NTM: variants seen among roughly 807,000 people sequenced by gnomAD.
The protein encoded by NTM is neurotrimin.
In NTM, 13 loss-of-function variants were observed where a neutral mutation model predicts 42.1. The ratio of observed to expected loss-of-function variants is 0.31; its 90% confidence interval spans 0.20 to 0.49. The LOEUF (loss-of-function observed/expected upper bound fraction) is 0.49. NTM is among the 20% of genes least tolerant of loss of function. The pLI, the probability that NTM is intolerant of heterozygous loss-of-function variation, is 0.99. For missense variants in NTM, 373 were observed against 452.8 expected (o/e 0.82, Z 1.60); for synonymous variants, 187 against 179.2 (o/e 1.04, Z -0.35).
chr11:132,258,287 A>G (rs575965405), intron 4 of NTM, among the ~76,000 whole-genome samples: 2 of 152,166 alleles, frequency 1.3e-5, no homozygotes, highest in Non-Finnish European at 2.9e-5. Flanking sequence ...GCTTCTGTCT[A>G]TCCATCAGTT....
chr11:131,513,266 C>T (rs947115989), intron 1 of NTM, among the ~76,000 whole-genome samples: 1 of 152,184 alleles, frequency 6.6e-6, no homozygotes, highest in Non-Finnish European at 1.5e-5. Flanking sequence ...ATTGCTGTTG[C>T]CAGGAAGCCT....
intron 3 of NTM, among the ~76,000 whole-genome samples, chr11:132,168,044 G>A (rs2075550822): frequency 2.0e-5 from 3 of 152,220 alleles, no homozygotes; most frequent in Admixed American, 6.5e-5. Flanking sequence ...ATCCACATAG[G>A]AATCAGAGGA....
rs976993837 is a variant in NTM at position 132,307,628 on chromosome 11, G to A, written c.527-61G>A. The stretch of plus-strand genomic sequence containing the variant: ...AACCATTTTATACTTTGTTTTCTAA[G>A]TGAACATGTTTGGTCTTTTTTTTCC... On this transcript the variant is annotated intron_variant, in intron 4 of 8. Coordinates refer to ENST00000683400, the MANE Select transcript of NTM (RefSeq NM_001352005.2). 8 of 1,601,956 alleles carry A rather than the reference G, an allele frequency of 5.0e-6. No homozygotes were observed. In the Admixed American group the frequency reaches 1.4e-4, roughly 27 times the overall value.
At chr11:132,129,033 C>T (rs551924271) in intron 2 of NTM, among the ~76,000 whole-genome samples, 193 of 150,414 alleles carry the variant, frequency 1.3e-3, no homozygotes, top group Non-Finnish European at 2.0e-3. Context: ...GGGTTGGTGT[C>T]ACAAGTCCCA....
chr11:131,672,804 C>A (rs959571067), intron 1 of NTM, among the ~76,000 whole-genome samples: 1 of 150,382 alleles, frequency 6.6e-6, no homozygotes, highest in Non-Finnish European at 1.5e-5. Flanking sequence ...AAAGGCTTTG[C>A]GATAAGTTCT....
At chr11:131,606,150 T>G (rs916444851) in intron 1 of NTM, among the ~76,000 whole-genome samples, 1 of 152,078 alleles carries the variant, frequency 6.6e-6, no homozygotes, top group Admixed American at 6.6e-5. Flanking sequence ...CTAAAGTGAT[T>G]TGCCTACCTC....
intron 2 of NTM, among the ~76,000 whole-genome samples, chr11:131,980,479 T>G (rs1270073820): frequency 6.6e-6 from 1 of 152,214 alleles, no homozygotes. Context: ...ATCTCTTAAA[T>G]TCCCCAAATT....
chr11:131,437,432 G>C (rs889614476), intron 1 of NTM, among the ~76,000 whole-genome samples: 9 of 152,134 alleles, frequency 5.9e-5, no homozygotes, highest in African/African-American at 2.2e-4. Flanking sequence ...TCTCTTAGTA[G>C]GTCTCTAAGG....
At chr11:132,018,618 T>C (rs903765033) in intron 2 of NTM, among the ~76,000 whole-genome samples, 1 of 152,016 alleles carries the variant, frequency 6.6e-6, no homozygotes, top group African/African-American at 2.4e-5. Context: ...TATTGTTGGA[T>C]TCAGCTTACT....
intron 1 of NTM, among the ~76,000 whole-genome samples, chr11:131,734,381 T>G (rs2080137674): frequency 6.6e-6 from 1 of 152,208 alleles, no homozygotes; most frequent in African/African-American, 2.4e-5. Flanking sequence ...ATTTTTCTAC[T>G]TAGTGAGTCT....
At chr11:131,614,882 C>A (rs1483168723) in intron 1 of NTM, among the ~76,000 whole-genome samples, 5 of 152,198 alleles carry the variant, frequency 3.3e-5, no homozygotes, top group Non-Finnish European at 5.9e-5. Flanking sequence ...CAGCACTGGC[C>A]CTGCCCGCCT....
intron 1 of NTM, among the ~76,000 whole-genome samples, chr11:131,869,403 C>G (rs191541238): frequency 1.1e-3 from 170 of 152,366 alleles, no homozygotes; most frequent in African/African-American, 3.7e-3. Context: ...GACTTCCCCA[C>G]TCTCCTTCGG....
chr11:132,083,762 A>G (rs542215216), intron 2 of NTM, among the ~76,000 whole-genome samples: 28 of 152,366 alleles, frequency 1.8e-4, no homozygotes, highest in African/African-American at 6.7e-4. Flanking sequence ...ATCCTCTTGC[A>G]AAAGAAAATG....
intron 1 of NTM, among the ~76,000 whole-genome samples, chr11:131,580,735 A>C (rs2058333273): frequency 6.6e-6 from 1 of 152,166 alleles, no homozygotes; most frequent in African/African-American, 2.4e-5. Flanking sequence ...TGAAATCAGG[A>C]ATGTAAGTTA....
intron 1 of NTM, among the ~76,000 whole-genome samples, chr11:131,564,451 AGAGAGGGAGG>A (rs1218289578): frequency 8.0e-6 from 1 of 125,658 alleles, no homozygotes; most frequent in East Asian, 2.8e-4. Context: ...AGGGGGAGAG[AGAGAGGGAGG>A]GAGAGAGAGA....
At chr11:131,952,390 T>G (rs1293689672) in intron 2 of NTM, among the ~76,000 whole-genome samples, 1 of 152,254 alleles carries the variant, frequency 6.6e-6, no homozygotes, top group Non-Finnish European at 1.5e-5. Context: ...GTATTGTGTT[T>G]GTGTGTGCAC....
intron 7 of NTM, among the ~76,000 whole-genome samples, chr11:132,320,414 C>CGGA (rs766030617): frequency 7.9e-5 from 12 of 152,184 alleles, no homozygotes; most frequent in Non-Finnish European, 1.8e-4. Context: ...AAAAGGGTGA[C>CGGA]GGATGGCACC....
chr11:132,155,022 TG>T (rs1317299160), intron 3 of NTM, among the ~76,000 whole-genome samples: 1 of 152,094 alleles, frequency 6.6e-6, no homozygotes, highest in South Asian at 2.1e-4. Context: ...ACTCAGCTGG[TG>T]GGGGGATTAA....
chr11:131,688,625 C>A (rs2074248031), intron 1 of NTM, among the ~76,000 whole-genome samples: 3 of 152,242 alleles, frequency 2.0e-5, no homozygotes, highest in African/African-American at 7.2e-5. Context: ...GGCCTGTCGG[C>A]TTCACACCCC....
Sources: allele counts gnomAD v4.1 joint callset (sites outside exome capture counted in the v4.1 genomes callset), GRCh38; gene constraint gnomAD v4.1.1; transcripts MANE v1.5; gene names NCBI Gene and HGNC (gene_info 2026-07-23, HGNC 2026-07-21).